Variants in ST6GALNAC5 observed in about 807,000 individuals in gnomAD.
ST6GALNAC5 encodes ST6 N-acetylgalactosaminide alpha-2,6-sialyltransferase 5.
In ST6GALNAC5, 27 loss-of-function variants were observed where a neutral mutation model predicts 33.6. The ratio of observed to expected loss-of-function variants is 0.80; its 90% CI spans 0.59 to 1.11. The LOEUF is 1.11. Among genes scored for constraint, ST6GALNAC5 ranks in the 50% least tolerant of loss-of-function variants. The pLI, the probability that ST6GALNAC5 is intolerant of heterozygous loss-of-function variation, is 0.00. For missense variants in ST6GALNAC5, 428 were observed against 454.0 expected, an observed-to-expected ratio of 0.94 and a Z score of 0.52; for synonymous variants, 194 against 171.2, an observed-to-expected ratio of 1.13 and a Z score of -1.04.
chr1:76,986,276 G>C (rs1649491464), intron 2 of ST6GALNAC5, among the ~76,000 whole-genome samples: 1 of 152,128 alleles, frequency 6.6e-6, no homozygotes. Context: ...TTGACAAAGG[G>C]CTAATTTCCA....
intron 2 of ST6GALNAC5, among the ~76,000 whole-genome samples, chr1:76,900,869 A>G (rs896952035): frequency 3.9e-5 from 6 of 152,212 alleles, no homozygotes; most frequent in African/African-American, 1.4e-4. Context: ...AATTATCAGA[A>G]AACATAATTA....
chr1:76,963,576 A>G (rs371198538), intron 2 of ST6GALNAC5, among the ~76,000 whole-genome samples: 2 of 152,194 alleles, frequency 1.3e-5, no homozygotes, highest in East Asian at 1.9e-4. Flanking sequence ...CATATACAGA[A>G]TGGATTGGGA....
chr1:76,983,824 C>T (rs981090352), intron 2 of ST6GALNAC5, among the ~76,000 whole-genome samples: 1 of 152,160 alleles, frequency 6.6e-6, no homozygotes, highest in Admixed American at 6.5e-5. Context: ...TCAGACCACA[C>T]TGCAATCAAA....
intron 2 of ST6GALNAC5, among the ~76,000 whole-genome samples, chr1:76,969,104 A>C (rs2100362207): frequency 6.6e-6 from 1 of 152,320 alleles, no homozygotes; most frequent in Non-Finnish European, 1.5e-5. Context: ...AGTGTGATCA[A>C]CGCAGAACAC....
intron 4 of ST6GALNAC5, among the ~76,000 whole-genome samples, chr1:77,058,489 C>T (rs905808302): frequency 2.0e-5 from 3 of 152,196 alleles, no homozygotes; most frequent in Non-Finnish European, 1.5e-5. Context: ...GCACCTCCCC[C>T]TTTCTCTTCT....
At chr1:77,044,904 CT>C (rs1411733910) in intron 3 of ST6GALNAC5, among the ~76,000 whole-genome samples, 1 of 152,088 alleles carries the variant, frequency 6.6e-6, no homozygotes, top group South Asian at 2.1e-4. Flanking sequence ...AGTATAACAG[CT>C]TTATTGCATT....
At chr1:76,965,621 A>G (rs1200548380) in intron 2 of ST6GALNAC5, among the ~76,000 whole-genome samples, 1 of 152,020 alleles carries the variant, frequency 6.6e-6, no homozygotes, top group Non-Finnish European at 1.5e-5. Context: ...ATTAGATCCC[A>G]TTTATCCAGT....
chr1:76,868,360 C>T lies in ST6GALNAC5; in HGVS notation c.16-137C>T. On this transcript the variant is annotated intron_variant, in intron 1 of 4. Transcript: ENST00000477717. The surrounding 1 kb of genome is among the most constrained non-coding windows in gnomAD (Gnocchi z 4.3). ...GACGGTGCTTTCTCTGTCCCAGTTG[C>T]GTGCGGCGGGGCTGGGGCCCAGGCC... is the stretch of plus-strand genomic sequence containing the variant. 2 of 1,312,070 alleles carry T rather than the reference C, an allele frequency of 1.5e-6. No individual in the cohort carries two copies. Among genetic ancestry groups the T allele is most frequent in the Non-Finnish European group, 2.0e-6 (2 of 983,584 alleles). 81.3% of individuals were successfully genotyped at this position (1,312,070 alleles called of 1,614,324 possible).
intron 2 of ST6GALNAC5, among the ~76,000 whole-genome samples, chr1:76,984,605 A>C (rs912321121): frequency 6.6e-6 from 1 of 152,238 alleles, no homozygotes; most frequent in Non-Finnish European, 1.5e-5. Context: ...AGCTGTTACC[A>C]TTCCTTCTGA....
chr1:76,913,407 T>A (rs1416888992), intron 2 of ST6GALNAC5, among the ~76,000 whole-genome samples: 1 of 151,412 alleles, frequency 6.6e-6, no homozygotes, highest in Non-Finnish European at 1.5e-5. Flanking sequence ...TTGGAGTTGC[T>A]CTTCTCAAGG....
chr1:76,977,018 C>A (rs776745226), intron 2 of ST6GALNAC5, among the ~76,000 whole-genome samples: 1 of 152,170 alleles, frequency 6.6e-6, no homozygotes, highest in African/African-American at 2.4e-5. Flanking sequence ...GTGATCCCAA[C>A]ATTGCTGGCC....
At chr1:76,913,102 A>G (rs1422944299) in intron 2 of ST6GALNAC5, among the ~76,000 whole-genome samples, 1 of 151,978 alleles carries the variant, frequency 6.6e-6, no homozygotes, top group Non-Finnish European at 1.5e-5. Context: ...GAGCTCTTTT[A>G]GGGCAGGCCT....
At chr1:77,053,714 A>G (rs1434305113) in intron 4 of ST6GALNAC5, among the ~76,000 whole-genome samples, 2 of 152,216 alleles carry the variant, frequency 1.3e-5, no homozygotes, top group African/African-American at 2.4e-5. Flanking sequence ...GAAGTCATAG[A>G]TGAGGAATGC....
At chr1:76,964,234 A>G (rs906859419) in intron 2 of ST6GALNAC5, among the ~76,000 whole-genome samples, 11 of 152,148 alleles carry the variant, frequency 7.2e-5, no homozygotes, top group African/African-American at 2.7e-4. Flanking sequence ...TCTTAATCCA[A>G]GTTGATAACG....
chr1:77,029,120 G>A (rs2100445835), intron 2 of ST6GALNAC5, among the ~76,000 whole-genome samples: 1 of 152,232 alleles, frequency 6.6e-6, no homozygotes, highest in South Asian at 2.1e-4. Context: ...GGGATGAGGG[G>A]GTTACAGAAG....
chr1:77,032,549 A>T (rs966405004), intron 2 of ST6GALNAC5, among the ~76,000 whole-genome samples: 9 of 152,132 alleles, frequency 5.9e-5, no homozygotes, highest in African/African-American at 2.2e-4. Flanking sequence ...GGCTCTCTTT[A>T]TATCTGTAAC....
chr1:76,923,178 G>T (rs1647050755), intron 2 of ST6GALNAC5, among the ~76,000 whole-genome samples: 2 of 151,810 alleles, frequency 1.3e-5, no homozygotes, highest in African/African-American at 4.8e-5. Flanking sequence ...GGGGAATACT[G>T]GTAAAAGGCA....
At position 76,950,677 on chromosome 1, in the gene ST6GALNAC5, A is replaced by AT. The variant is rs201979671; in HGVS notation, c.261+81944dup. Reference sequence around the variant, plus strand: ...TGGGGAAACTCAAAGAAAGGGATGTATTTTTTTTTCCAGATTGAATGGGTT... The same window carrying AT: ...TGGGGAAACTCAAAGAAAGGGATGTATTTTTTTTTTCCAGATTGAATGGGTT... On this transcript the variant is annotated intron_variant, in intron 2 of 4. Coordinates refer to ENST00000477717, the MANE Select transcript of ST6GALNAC5 (RefSeq NM_030965.3). Among the ~76,000 whole-genome samples the AT allele has an allele frequency of 3.7e-3, 561 of 151,692 alleles. 3 individuals carry two copies. Among genetic ancestry groups the AT allele is most frequent in the African/African-American group, 0.013 (520 of 41,390 alleles).
intron 2 of ST6GALNAC5, among the ~76,000 whole-genome samples, chr1:76,942,601 A>C (rs1647376314): frequency 6.6e-6 from 1 of 152,128 alleles, no homozygotes; most frequent in Non-Finnish European, 1.5e-5. Flanking sequence ...CTCTAAGCAC[A>C]GCAGCACATC....
Sources: allele counts gnomAD v4.1 joint callset (sites outside exome capture counted in the v4.1 genomes callset), GRCh38; gene constraint gnomAD v4.1.1; non-coding constraint Gnocchi (gnomAD v3.1); transcripts MANE v1.5; gene names NCBI Gene and HGNC (gene_info 2026-07-23, HGNC 2026-07-21).